Variants in AFF3 observed in about 807,000 individuals in gnomAD.
AFF3 encodes the protein ALF transcription elongation factor 3.
A neutral mutation model predicts 129.7 loss-of-function variants in AFF3; 32 were observed. The ratio of observed to expected loss-of-function variants is 0.25; its 90% CI spans 0.19 to 0.33. The LOEUF (loss-of-function observed/expected upper bound fraction) is 0.33, where lower values mean the gene tolerates loss of function less well. Ranked by LOEUF, AFF3 falls within the 10% of genes least tolerant of loss-of-function variation. The pLI, the probability that AFF3 is intolerant of heterozygous loss-of-function variation, is 1.00. For synonymous variants in AFF3, 644 were observed against 635.4 expected (o/e 1.01, Z -0.20); for missense variants, 1,373 against 1,592.0 (o/e 0.86, Z 2.34).
Position 100,001,680 on chromosome 2 carries a change from C to T in AFF3, c.873+4952G>A, listed in dbSNP as rs561497180. 1.9e-3 allele frequency among the ~76,000 whole-genome samples: 287 copies of T among 149,140 alleles called. 1 individual carries two copies. The highest frequency in any genetic ancestry group is 3.3e-3 in the South Asian group (16 of 4,814). On this transcript the variant is annotated intron_variant, in intron 7 of 24. Coordinates refer to ENST00000672756, the MANE Select transcript of AFF3 (RefSeq NM_001386135.1). Reference sequence around the variant, plus strand: ...TGACCTCGTGATCCACCCGCCTTGGCCTCCCAAAGTGCAGGGATTACAGGC... The same window carrying T: ...TGACCTCGTGATCCACCCGCCTTGGTCTCCCAAAGTGCAGGGATTACAGGC...
intron 7 of AFF3, among the ~76,000 whole-genome samples, chr2:99,866,189 A>G (rs939731078): frequency 1.3e-5 from 2 of 152,218 alleles, no homozygotes; most frequent in African/African-American, 4.8e-5. Flanking sequence ...TGTGAGTTAC[A>G]CTATGTACCT....
chr2:100,037,167 A>C (rs1360239847), intron 4 of AFF3, among the ~76,000 whole-genome samples: 1 of 151,974 alleles, frequency 6.6e-6, no homozygotes, highest in African/African-American at 2.4e-5. Context: ...TAACAGCCAA[A>C]ATATTAGAAG....
chr2:99,603,937 AC>A (rs1680084465), intron 13 of AFF3, among the ~76,000 whole-genome samples: 2 of 152,218 alleles, frequency 1.3e-5, no homozygotes, highest in South Asian at 4.1e-4. Context: ...ACCATCTCAC[AC>A]CAGTCAGACT....
At chr2:99,655,061 T>C (rs1452171781) in intron 12 of AFF3, among the ~76,000 whole-genome samples, 2 of 152,164 alleles carry the variant, frequency 1.3e-5, no homozygotes, top group East Asian at 3.9e-4. Context: ...TCTTACTTGA[T>C]AGAAACAGAA....
chr2:100,072,469 GGCC>G (rs1688267772), intron 4 of AFF3, among the ~76,000 whole-genome samples: 2 of 152,064 alleles, frequency 1.3e-5, no homozygotes, highest in Non-Finnish European at 2.9e-5. Flanking sequence ...ATGAACCCTT[GGCC>G]TTTAAGGGCA....
intron 11 of AFF3, among the ~76,000 whole-genome samples, chr2:99,715,674 CTTTTT>C (rs35307881): frequency 7.3e-6 from 1 of 136,132 alleles, no homozygotes; most frequent in Admixed American, 7.4e-5. Flanking sequence ...CATTTCAAAT[CTTTTT>C]TTTTTTTTTT....
At chr2:100,046,997 T>C (rs370581260) in intron 4 of AFF3, among the ~76,000 whole-genome samples, 29 of 149,692 alleles carry the variant, frequency 1.9e-4, no homozygotes, top group African/African-American at 6.4e-4. Context: ...ATAATGACTT[T>C]AAGAGTAAGA....
chr2:99,772,826 T>G (rs1415750751), intron 8 of AFF3, among the ~76,000 whole-genome samples: 1 of 152,204 alleles, frequency 6.6e-6, no homozygotes, highest in Non-Finnish European at 1.5e-5. Flanking sequence ...GGAAAGGCCG[T>G]CAATCCTGAC....
chr2:99,997,625 G>C (rs1680975963), intron 7 of AFF3, among the ~76,000 whole-genome samples: 1 of 151,936 alleles, frequency 6.6e-6, no homozygotes, highest in Admixed American at 6.6e-5. Flanking sequence ...CCCTTCAATG[G>C]CTCCCAATTC....
chr2:99,917,997 T>G (rs986281098), intron 7 of AFF3, among the ~76,000 whole-genome samples: 7 of 152,174 alleles, frequency 4.6e-5, no homozygotes, highest in Admixed American at 6.6e-5. Flanking sequence ...GGTAATATGC[T>G]AGTGCACAAT....
chr2:99,764,452 CAG>C (rs1317419581), intron 8 of AFF3, among the ~76,000 whole-genome samples: 4 of 152,196 alleles, frequency 2.6e-5, no homozygotes, highest in Non-Finnish European at 5.9e-5. Flanking sequence ...TCTTTTGGGG[CAG>C]AGGATGAGAG....
intron 7 of AFF3, among the ~76,000 whole-genome samples, chr2:99,908,345 T>G (rs1231991820): frequency 2.6e-5 from 4 of 152,192 alleles, no homozygotes; most frequent in Non-Finnish European, 5.9e-5. Context: ...ATTAAAGACT[T>G]ACATGTTAGA....
chr2:99,593,099 A>G, intron 15 of AFF3, 96 bp downstream of exon 15: 1 of 1,422,636 alleles, frequency 7.0e-7, no homozygotes, highest in Non-Finnish European at 9.4e-7. Flanking sequence ...TACCGTCCCA[A>G]ACAGCAGCCT....
At chr2:100,056,420 C>T (rs969802365) in intron 4 of AFF3, among the ~76,000 whole-genome samples, 1 of 152,152 alleles carries the variant, frequency 6.6e-6, no homozygotes. Flanking sequence ...CCAAACCATG[C>T]TTTCCCCCTT....
intron 7 of AFF3, among the ~76,000 whole-genome samples, chr2:99,854,896 G>T (rs1394174332): frequency 6.6e-6 from 1 of 152,158 alleles, no homozygotes; most frequent in Non-Finnish European, 1.5e-5. Context: ...ACTCAGTGAG[G>T]AAAAGGTAAT....
At chr2:100,140,240 GA>G (rs1692804931) in intron 1 of AFF3, among the ~76,000 whole-genome samples, 1 of 152,194 alleles carries the variant, frequency 6.6e-6, no homozygotes, top group South Asian at 2.1e-4. Flanking sequence ...GTTATTTATG[GA>G]AGGGTCCATA....
chr2:99,962,942 G>T (rs188770227), intron 7 of AFF3, among the ~76,000 whole-genome samples: 1 of 150,682 alleles, frequency 6.6e-6, no homozygotes, highest in Admixed American at 6.6e-5. Context: ...ACAGATTGAC[G>T]AAATCCAAAT....
At chr2:99,578,478 G>C in intron 17 of AFF3, 27 bp from the exon 18 acceptor site, 2 of 1,605,482 alleles carry the variant, frequency 1.2e-6, no homozygotes, top group Non-Finnish European at 1.7e-6. Flanking sequence ...ACACATCTTT[G>C]AGAAATTGGC....
intron 7 of AFF3, among the ~76,000 whole-genome samples, chr2:99,843,129 G>A (rs1025744802): frequency 6.6e-6 from 1 of 152,210 alleles, no homozygotes; most frequent in African/African-American, 2.4e-5. Flanking sequence ...AGTTAGGTAT[G>A]CTGTCAATAC....
Sources: allele counts gnomAD v4.1 joint callset (sites outside exome capture counted in the v4.1 genomes callset), GRCh38; gene constraint gnomAD v4.1.1; transcripts MANE v1.5; gene names NCBI Gene and HGNC (gene_info 2026-07-23, HGNC 2026-07-21).